The following ARAP1 variants were observed in gnomAD, a reference collection of about 807,000 sequenced individuals.
The protein encoded by ARAP1 is ArfGAP with RhoGAP domain, ankyrin repeat and PH domain 1, also known as arf-GAP with Rho-GAP domain, ANK repeat and PH domain-containing protein 1.
A neutral mutation model predicts 172.2 loss-of-function variants in ARAP1; 76 were observed. The observed-to-expected ratio is 0.44, with a 90% CI of 0.37 to 0.53. The LOEUF (loss-of-function observed/expected upper bound fraction) is 0.53. ARAP1 is among the 20% of genes least tolerant of loss of function. ARAP1 has a pLI of 0.00. For synonymous variants in ARAP1, 804 were observed against 803.3 expected (o/e 1.00, Z -0.01); for missense variants, 1,686 against 1,977.5 (o/e 0.85, Z 2.80).
chr11:72,726,607 G>A lies in ARAP1; in HGVS notation c.509+13C>T, dbSNP rs1313817519. On this transcript the variant is annotated intron_variant, in intron 3 of 34. Transcript: ENST00000393609. This position sits in a 1 kb window ranked among gnomAD's most constrained non-coding sequence, Gnocchi z 6.5. Reference sequence around the variant, plus strand: ...TGCCTGTGCGCCTCCCACCCTGGGTGGCATCCACTCACCTCACCAGCAGGC... The same window carrying A: ...TGCCTGTGCGCCTCCCACCCTGGGTAGCATCCACTCACCTCACCAGCAGGC... 1 of 1,486,702 alleles carries A rather than the reference G, an allele frequency of 6.7e-7. No individual in the cohort carries two copies. The highest frequency in any genetic ancestry group is 1.4e-5 in the African/African-American group (1 of 72,596). The allele number at this position is 1,486,702 out of a possible 1,614,324, so 92.1% of individuals were successfully genotyped here.
At chr11:72,737,450 C>T (rs1858065733) in intron 1 of ARAP1, among the ~76,000 whole-genome samples, 1 of 152,142 alleles carries the variant, frequency 6.6e-6, no homozygotes, top group Non-Finnish European at 1.5e-5. Flanking sequence ...CCAGCAACTC[C>T]ATGGTAATAT....
chr11:72,698,024 C>T lies in ARAP1; in HGVS notation c.2624G>A (p.Ser875Asn). ...CCAGCCCTCCTGGGCCCGCTGTAGGCTCAGGCCAGCTTTGTAGGGTAGGCG... is the reference window on the plus strand; with the variant it reads ...CCAGCCCTCCTGGGCCCGCTGTAGGTTCAGGCCAGCTTTGTAGGGTAGGCG... ...LGRLPYKAGLSLQRAQEGWFS... is the reference protein window; with the variant it reads ...LGRLPYKAGLNLQRAQEGWFS... Residue 875 changes from serine (S) to asparagine (N), a missense_variant, in exon 19 of 35, where the codon AGC becomes AAC. Physicochemically the swap from Ser to Asn is conservative, Grantham distance 46. Around this residue, in one of 5 missense-constraint regions of ARAP1, gnomAD observed 688 missense variants for 856.9 expected, o/e 0.80. Coordinates refer to ENST00000393609, the MANE Select transcript of ARAP1 (RefSeq NM_001040118.3). The T allele has an allele frequency of 6.2e-7, 1 of 1,609,932 alleles. No homozygotes were observed. The highest frequency in any genetic ancestry group is 8.5e-7 in the Non-Finnish European group (1 of 1,178,478).
chr11:72,686,053 C>A lies in ARAP1; in HGVS notation c.4324G>T (p.Asp1442Tyr). The stretch of plus-strand genomic sequence containing the variant: ...GGAGAGCCACTCACAGACAGAGGGT[C>A]CGCGGTGAAGGCAGCCACACTCCGG... ...MRRSVAAFTADPLSLLRNV is the reference protein window; with the variant it reads ...MRRSVAAFTAYPLSLLRNV Residue 1442 changes from aspartate (D) to tyrosine (Y), a missense_variant, in exon 34 of 35, where the codon GAC (aspartate) becomes TAC (tyrosine). By Grantham distance (160) the Asp-to-Tyr change is radical. Transcript: ENST00000393609. 1 of 1,614,060 alleles carries A rather than the reference C, an allele frequency of 6.2e-7. No homozygotes were observed. Among genetic ancestry groups the A allele is most frequent in the Non-Finnish European group, 8.5e-7 (1 of 1,180,036 alleles).
At chr11:72,701,835 T>A in intron 15 of ARAP1, 52 bp from the exon 16 acceptor site, 1 of 1,594,692 alleles carries the variant, frequency 6.3e-7, no homozygotes, top group Non-Finnish European at 8.6e-7. Context: ...CAAGAGGGTG[T>A]CCCCACCTCA....
intron 2 of ARAP1, among the ~76,000 whole-genome samples, chr11:72,729,429 T>C (rs1178629701): frequency 1.3e-5 from 2 of 151,940 alleles, no homozygotes. Flanking sequence ...TTGTCTCTAC[T>C]AAAAATACAA....
At chr11:72,719,058 G>A (rs1484908801) in intron 3 of ARAP1, among the ~76,000 whole-genome samples, 2 of 152,154 alleles carry the variant, frequency 1.3e-5, no homozygotes, top group African/African-American at 4.8e-5. Context: ...GGAGGAAACC[G>A]AGGCACAGGG....
Position 72,709,992 on chromosome 11 carries a change from G to A in ARAP1, c.1417-16C>T, listed in dbSNP as rs769368116. 4 of 1,608,144 alleles carry A rather than the reference G, an allele frequency of 2.5e-6. No homozygotes were observed. Among genetic ancestry groups the A allele is most frequent in the African/African-American group, 2.7e-5 (2 of 74,740 alleles). On this transcript the variant is annotated splice_polypyrimidine_tract_variant and intron_variant, in intron 10 of 34. Transcript: ENST00000393609. ...GGTGGTACTCCTGGAGGGCAGATGG[G>A]ACGGGATGAGGGCAAGGCTTTGGGG...
At chr11:72,712,891 G>A (rs1033382955) in intron 5 of ARAP1, 22 of 598,856 alleles carry the variant, frequency 3.7e-5, no homozygotes, top group East Asian at 2.8e-4. Flanking sequence ...CAGACACTCC[G>A]GGACAGGACA....
At position 72,695,150 on chromosome 11, in the gene ARAP1, C is replaced by G; in HGVS notation, c.3577-53G>C. On this transcript the variant is annotated intron_variant, in intron 26 of 34. Transcript: ENST00000393609. This position sits in a 1 kb window ranked among gnomAD's most constrained non-coding sequence, Gnocchi z 4.4. The stretch of plus-strand genomic sequence containing the variant: ...TGCCTGTGCCTAGCCCCTGCTCTGC[C>G]ACAACCTTGCTATGTGACTCAGAGC... 6.4e-7 allele frequency: 1 copy of G among 1,570,728 alleles called. No homozygotes were observed. Among genetic ancestry groups the G allele is most frequent in the Non-Finnish European group, 8.7e-7 (1 of 1,144,994 alleles).
At position 72,709,968 on chromosome 11, in the gene ARAP1, G is replaced by A. The variant is rs528737757; in HGVS notation, c.1425C>T (p.His475=). Reference sequence around the variant, plus strand: ...CGATGAAGGTGATGCCAATGCCCAGGTGGTACTCCTGGAGGGCAGATGGGA... The same window carrying A: ...CGATGAAGGTGATGCCAATGCCCAGATGGTACTCCTGGAGGGCAGATGGGA... ...VQLYKNLEEY[H]LGIGITFIDM... is the part of the protein sequence containing the mutation. The change falls in exon 11 of 35, where the codon CAC becomes CAT. Residue 475 remains histidine, a synonymous_variant. Transcript: ENST00000393609. The A allele has an allele frequency of 4.6e-5, 74 of 1,613,916 alleles. No homozygotes were observed. The highest frequency in any genetic ancestry group is 3.3e-4 in the South Asian group (30 of 91,088).
At chr11:72,723,891 T>C (rs1857607268) in intron 3 of ARAP1, among the ~76,000 whole-genome samples, 1 of 152,218 alleles carries the variant, frequency 6.6e-6, no homozygotes, top group Non-Finnish European at 1.5e-5. Flanking sequence ...GCAGCACATG[T>C]ACACACACGT....
chr11:72,690,233 C>T (rs1460825026), intron 30 of ARAP1, among the ~76,000 whole-genome samples: 1 of 152,060 alleles, frequency 6.6e-6, no homozygotes, highest in East Asian at 1.9e-4. Context: ...GGCGCAGAGG[C>T]AACTGCAGGA....
intron 3 of ARAP1, among the ~76,000 whole-genome samples, chr11:72,720,430 C>T (rs1857460477): frequency 6.6e-6 from 1 of 152,196 alleles, no homozygotes; most frequent in South Asian, 2.1e-4. Flanking sequence ...TTCCTAGGGT[C>T]TCACTTGCTA....
At chr11:72,719,737 G>A (rs1857431137) in intron 3 of ARAP1, among the ~76,000 whole-genome samples, 1 of 152,190 alleles carries the variant, frequency 6.6e-6, no homozygotes, top group African/African-American at 2.4e-5. Flanking sequence ...AGGCCACAGA[G>A]TGGAGCAGTC....
chr11:72,685,829 C>T, intron 34 of ARAP1, 148 bp from the exon 35 acceptor site: 2 of 1,350,374 alleles, frequency 1.5e-6, no homozygotes, highest in Non-Finnish European at 2.1e-6. Flanking sequence ...CAGGGCCAGG[C>T]AGAGGGGACT....
chr11:72,745,189 T>C (rs1165692964), intron 1 of ARAP1, among the ~76,000 whole-genome samples: 16 of 136,542 alleles, frequency 1.2e-4, no homozygotes, highest in African/African-American at 4.5e-4. Context: ...TTTCTTTTTT[T>C]TTTTTTTTTT....
rs753040615 is a variant in ARAP1 at position 72,705,869 on chromosome 11, G to A, written c.1745C>T (p.Ala582Val). Residue 582 changes from alanine (A) to valine (V), a missense_variant, in exon 13 of 35, where the codon GCT becomes GTT. Physicochemically the swap from Ala to Val is moderately conservative, Grantham distance 64. Around this residue, in one of 5 missense-constraint regions of ARAP1, gnomAD observed 688 missense variants for 856.9 expected, o/e 0.80. Coordinates refer to ENST00000393609, the MANE Select transcript of ARAP1 (RefSeq NM_001040118.3). ...CAGGCTCCGCACCTTGGAGACGCCA[G>A]CGCCCAGGCCACGGTGCTCCCCTGT... ...RCAGEHRGLG[A>V]GVSKVRSLKM... 2 of 1,614,110 alleles carry A rather than the reference G, an allele frequency of 1.2e-6. No individual in the cohort carries two copies. The highest frequency in any genetic ancestry group is 8.5e-7 in the Non-Finnish European group (1 of 1,179,966).
intron 1 of ARAP1, among the ~76,000 whole-genome samples, chr11:72,747,797 G>A (rs1452673086): frequency 6.6e-6 from 1 of 152,196 alleles, no homozygotes; most frequent in African/African-American, 2.4e-5. Context: ...AGGATTTGAC[G>A]GCAATTAGTC....
intron 5 of ARAP1, 191 bp downstream of exon 5, chr11:72,712,985 G>T: frequency 1.5e-6 from 1 of 651,208 alleles, no homozygotes; most frequent in Non-Finnish European, 2.7e-6. Flanking sequence ...CCAGAGCCCC[G>T]ACCCCTGGCC....
Sources: gnomAD v4.1 joint callset for allele counts (sites outside exome capture counted in the v4.1 genomes callset) on GRCh38, gnomAD v4.1.1 for gene constraint, gnomAD v4.1.1 regional missense constraint, Gnocchi (gnomAD v3.1) non-coding constraint, MANE v1.5 for transcripts, NCBI Gene and HGNC (gene_info 2026-07-23, HGNC 2026-07-21) for gene names.